The following KIF26A variants were observed in gnomAD, a reference collection of about 807,000 sequenced individuals.
KIF26A encodes kinesin family member 26A.
In KIF26A, 74 loss-of-function variants were observed where a neutral mutation model predicts 126.0. That is an observed-to-expected ratio of 0.59 (90% CI 0.49 to 0.71). The LOEUF (loss-of-function observed/expected upper bound fraction) is 0.71. Ranked by LOEUF, KIF26A falls within the 30% of genes least tolerant of loss-of-function variation. The probability of loss-of-function intolerance (pLI) is 0.00; values close to 1 mark genes in which losing one functional copy is unlikely to be tolerated. For missense variants in KIF26A, 2,984 were observed against 2,763.3 expected (o/e 1.08, Z -1.79); for synonymous variants, 1,445 against 1,232.7 (o/e 1.17, Z -3.61).
At chr14:104,158,689 G>A (rs140254240) in intron 4 of KIF26A, among the ~76,000 whole-genome samples, 2,187 of 152,298 alleles carry the variant, frequency 0.014, 22 homozygotes, top group Middle Eastern at 0.024. Flanking sequence ...GGTCCTTGCC[G>A]ACTGGTGGTG....
intron 3 of KIF26A, among the ~76,000 whole-genome samples, chr14:104,154,818 G>A (rs2037761742): frequency 2.6e-5 from 4 of 152,236 alleles, no homozygotes; most frequent in Admixed American, 1.3e-4. Flanking sequence ...GGTGGGCAGT[G>A]TGGGGTGCTG....
At chr14:104,167,196 C>G in intron 5 of KIF26A, 148 bp downstream of exon 5, 2 of 866,510 alleles carry the variant, frequency 2.3e-6, no homozygotes, top group South Asian at 4.4e-5. Flanking sequence ...GAGACTGAGG[C>G]CCAGGTGGCA....
intron 4 of KIF26A, 52 bp downstream of exon 4, chr14:104,157,994 G>T (rs142639926): frequency 0.038 from 55,254 of 1,446,048 alleles, 1,189 homozygotes; most frequent in Middle Eastern, 0.048. Flanking sequence ...CCATGGCCCC[G>T]GCTGTGGGCC....
Position 104,179,874 on chromosome 14 carries a change from C to G in KIF26A, c.*84C>G, listed in dbSNP as rs915262095. ...CGGAGCGAGGATGTGGTGGGGGCTGCGGGGGGAGGATGCGGAGGGGTTTCT... is the reference window on the plus strand; with the variant it reads ...CGGAGCGAGGATGTGGTGGGGGCTGGGGGGGGAGGATGCGGAGGGGTTTCT... On this transcript the variant is annotated 3_prime_UTR_variant, in exon 15 of 15. Coordinates refer to ENST00000423312, the MANE Select transcript of KIF26A (RefSeq NM_015656.2). The G allele has an allele frequency of 1.2e-5, 13 of 1,076,764 alleles. No individual in the cohort carries two copies. The highest frequency in any genetic ancestry group is 1.0e-4 in the African/African-American group (6 of 57,832). 66.7% of individuals were successfully genotyped at this position (1,076,764 alleles called of 1,614,324 possible).
chr14:104,151,872 T>C lies in KIF26A; in HGVS notation c.289-143T>C. On this transcript the variant is annotated intron_variant, in intron 2 of 14. Transcript: ENST00000423312. The surrounding 1 kb of genome is among the most constrained non-coding windows in gnomAD (Gnocchi z 4.9). ...GCTGGGCTTGTGTGGGTGAAAGTGT[T>C]TGGGCTTATTAATCTGTTACGGATG... 1.5e-6 allele frequency: 1 copy of C among 677,682 alleles called. No homozygotes were observed. Among genetic ancestry groups the C allele is most frequent in the Non-Finnish European group, 2.6e-6 (1 of 385,066 alleles). The allele number at this position is 677,682 out of a possible 1,614,324, so 42.0% of individuals were successfully genotyped here.
rs1009117211 is a variant in KIF26A at position 104,151,893 on chromosome 14, G to A, written c.289-122G>A. 309 of 769,146 alleles carry A rather than the reference G, an allele frequency of 4.0e-4. 1 individual carries two copies. The highest frequency in any genetic ancestry group is 1.1e-3 in the East Asian group (43 of 38,734). 47.6% of individuals were successfully genotyped at this position (769,146 alleles called of 1,614,324 possible). ...GTGTTTGGGCTTATTAATCTGTTAC[G>A]GATGGTGCGGTGGCCAGGCGGGAGC... On this transcript the variant is annotated intron_variant, in intron 2 of 14. Coordinates refer to ENST00000423312, the MANE Select transcript of KIF26A (RefSeq NM_015656.2). This position sits in a 1 kb window ranked among gnomAD's most constrained non-coding sequence, Gnocchi z 4.9.
intron 5 of KIF26A, 85 bp downstream of exon 5, chr14:104,167,133 GC>G (rs879487970): frequency 2.8e-4 from 377 of 1,328,118 alleles, no homozygotes; most frequent in Non-Finnish European, 3.6e-4. Context: ...GAGTGGAGGG[GC>G]TGCCACTTCC....
In KIF26A at chr14:104,177,225, C is replaced by T. The variant is rs1168730735; in HGVS notation, c.4437C>T (p.Ala1479=). The T allele has an allele frequency of 3.1e-6, 5 of 1,597,006 alleles. No homozygotes were observed. The South Asian group carries it at 5.5e-5, about 18-fold the overall frequency. The change falls in exon 12 of 15, where the codon GCC becomes GCT. Residue 1479 remains alanine (A), a synonymous_variant. Coordinates refer to ENST00000423312, the MANE Select transcript of KIF26A (RefSeq NM_015656.2). ...GCCCCACACACGGTCCAGCTCCCGC[C>T]TGTAGGAGCGGCGCAGCCAAGGCTG... ...PSSPTHGPAP[A]CRSGAAKAVG...
intron 4 of KIF26A, among the ~76,000 whole-genome samples, chr14:104,161,495 C>G (rs570810214): frequency 6.6e-6 from 1 of 152,328 alleles, no homozygotes; most frequent in African/African-American, 2.4e-5. Flanking sequence ...GGTGATTTTT[C>G]TCTGTAAAAA....
At chr14:104,147,154 T>C (rs567024127) in intron 2 of KIF26A, among the ~76,000 whole-genome samples, 16 of 152,252 alleles carry the variant, frequency 1.1e-4, no homozygotes, top group Non-Finnish European at 1.6e-4. Context: ...CCTCTGAGCA[T>C]TGGGGCTCCT....
chr14:104,146,250 T>G (rs922211004), intron 2 of KIF26A, among the ~76,000 whole-genome samples: 5 of 151,220 alleles, frequency 3.3e-5, no homozygotes, highest in Non-Finnish European at 7.4e-5. Context: ...GGCAGGGGAG[T>G]GTCTGGGTGT....
At chr14:104,164,129 C>T (rs114269493) in intron 4 of KIF26A, among the ~76,000 whole-genome samples, 3,757 of 152,270 alleles carry the variant, frequency 0.025, 131 homozygotes, top group African/African-American at 0.084. Context: ...TTAAGCAAAA[C>T]GCCAGCGCTG....
intron 4 of KIF26A, among the ~76,000 whole-genome samples, chr14:104,161,612 A>C (rs1415427529): frequency 6.6e-6 from 1 of 152,234 alleles, no homozygotes; most frequent in East Asian, 1.9e-4. Context: ...GGGGCCGTTC[A>C]GGTGCCCGCT....
intron 5 of KIF26A, among the ~76,000 whole-genome samples, chr14:104,168,303 G>A (rs552441937): frequency 6.6e-5 from 10 of 152,328 alleles, no homozygotes; most frequent in Middle Eastern, 3.4e-3. Flanking sequence ...CCCCCTGCCC[G>A]CCCGGTGATG....
chr14:104,171,999 G>A (rs1262949162), intron 6 of KIF26A, 64 bp downstream of exon 6: 1 of 1,445,506 alleles, frequency 6.9e-7, no homozygotes, highest in East Asian at 2.5e-5. Flanking sequence ...CTCAGCACAT[G>A]GGTCCGATCT....
chr14:104,179,123 G>A (rs1264327463), intron 13 of KIF26A, 113 bp from the exon 14 acceptor site: 8 of 1,239,430 alleles, frequency 6.5e-6, no homozygotes, highest in Non-Finnish European at 8.5e-6. Context: ...GAGCCCCACT[G>A]TGTGCCTGCC....
chr14:104,166,218 T>C (rs1313145030), intron 4 of KIF26A, among the ~76,000 whole-genome samples: 1 of 152,108 alleles, frequency 6.6e-6, no homozygotes, highest in Non-Finnish European at 1.5e-5. Context: ...AGGATGGCTC[T>C]AGGGCCTTGG....
intron 5 of KIF26A, among the ~76,000 whole-genome samples, chr14:104,171,467 T>C (rs868556584): frequency 6.6e-5 from 10 of 152,294 alleles, no homozygotes; most frequent in African/African-American, 2.2e-4. Context: ...CCTCATTCTC[T>C]GTGCCGCACA....
At chr14:104,170,625 G>A (rs1409411375) in intron 5 of KIF26A, among the ~76,000 whole-genome samples, 1 of 152,282 alleles carries the variant, frequency 6.6e-6, no homozygotes, top group Admixed American at 6.5e-5. Flanking sequence ...TCCTCCAGCA[G>A]GAAATGGGGC....
Sources: allele counts gnomAD v4.1 joint callset (sites outside exome capture counted in the v4.1 genomes callset), GRCh38; gene constraint gnomAD v4.1.1; non-coding constraint Gnocchi (gnomAD v3.1); transcripts MANE v1.5; gene names NCBI Gene and HGNC (gene_info 2026-07-23, HGNC 2026-07-21).